The following IKBKB variants were observed in gnomAD, a reference collection of about 807,000 sequenced individuals.
IKBKB encodes inhibitor of nuclear factor kappa B kinase subunit beta.
Under a neutral mutation model 113.6 loss-of-function variants are expected in IKBKB, and 42 were observed. That is an observed-to-expected ratio of 0.37 (90% CI 0.29 to 0.48). IKBKB has a LOEUF of 0.48. Ranked by LOEUF, IKBKB falls within the 20% of genes least tolerant of loss-of-function variation. The probability of loss-of-function intolerance (pLI) is 0.99; values close to 1 mark genes in which losing one functional copy is unlikely to be tolerated. For synonymous variants in IKBKB, 296 were observed against 361.3 expected (o/e 0.82, Z 2.05); for missense variants, 673 against 939.7 (o/e 0.72, Z 3.71).
At chr8:42,326,212 T>A in intron 20 of IKBKB, 115 bp downstream of exon 20, 1 of 1,298,210 alleles carries the variant, frequency 7.7e-7, no homozygotes, top group Non-Finnish European at 1.1e-6. Context: ...CCTCTCTGGA[T>A]GTTTGTTGCA....
chr8:42,310,022 A>G (rs1817404940), intron 8 of IKBKB, among the ~76,000 whole-genome samples: 1 of 152,250 alleles, frequency 6.6e-6, no homozygotes, highest in Admixed American at 6.5e-5. Context: ...CACAATGTGT[A>G]CATCATGTTG....
Position 42,317,752 on chromosome 8 carries a change from T to C in IKBKB, c.1221T>C (p.Pro407=). 5.6e-6 allele frequency: 9 copies of C among 1,609,940 alleles called. No individual in the cohort carries two copies. Among genetic ancestry groups the C allele is most frequent in the Non-Finnish European group, 7.7e-6 (9 of 1,176,168 alleles). The change falls in exon 12 of 22, where the codon CCT becomes CCC. Residue 407 remains proline, a synonymous_variant. Coordinates refer to ENST00000520810, the MANE Select transcript of IKBKB (RefSeq NM_001556.3). ...YETQISPRPQ[P]ESVSCILQEP... Reference sequence around the variant, plus strand: ...CTCAGATCTCCCCACGGCCCCAACCTGAAAGTGTCAGCTGTATCCGTAAGA... The same window carrying C: ...CTCAGATCTCCCCACGGCCCCAACCCGAAAGTGTCAGCTGTATCCGTAAGA...
Position 42,290,246 on chromosome 8 carries a change from G to C in IKBKB, c.291G>C (p.Glu97Asp), listed in dbSNP as rs1032270809. 1 of 1,613,248 alleles carries C rather than the reference G, an allele frequency of 6.2e-7. No individual in the cohort carries two copies. The highest frequency in any genetic ancestry group is 1.3e-5 in the African/African-American group (1 of 74,926). The change falls in exon 4 of 22, where the codon GAG becomes GAC. Residue 97 changes from glutamate (E) to aspartate (D), a missense_variant. By Grantham distance (45) the Glu-to-Asp change is conservative. Transcript: ENST00000520810. ...ATGACCTGCCCCTGCTGGCCATGGA[G>C]TACTGCCAAGGAGGAGATCTCCGGA... ...APNDLPLLAM[E>D]YCQGGDLRKY...
rs1402369816 is a variant in IKBKB, at chr8:42,316,379, G to A, written c.930+40G>A. ...AAGTTAGCCCTGAGGCAAAAGCTGG[G>A]GTCCCCAGTGGAACATGCAGTTCTT... On this transcript the variant is annotated intron_variant, in intron 10 of 21. Transcript: ENST00000520810. The surrounding 1 kb of genome is among the most constrained non-coding windows in gnomAD (Gnocchi z 4.5). 2 of 1,612,416 alleles carry A rather than the reference G, an allele frequency of 1.2e-6. No homozygotes were observed. The highest frequency in any genetic ancestry group is 1.7e-5 in the Admixed American group (1 of 59,926).
rs541622468 is a variant in IKBKB at position 42,305,333 on chromosome 8, G to A, written c.477+58G>A. The stretch of plus-strand genomic sequence containing the variant: ...GGTGGGCGTGCCGGGAAGTGGCCTG[G>A]GAGGAAAGGAGCACACTCTGCATAT... On this transcript the variant is annotated intron_variant, in intron 6 of 21. Transcript: ENST00000520810. The A allele has an allele frequency of 1.9e-4, 185 of 994,970 alleles. 2 individuals carry two copies. The South Asian group carries it at 2.3e-3, about 12-fold the overall frequency. The allele number at this position is 994,970 out of a possible 1,614,324, so 61.6% of individuals were successfully genotyped here.
rs1819951090 is a variant in IKBKB, at chr8:42,322,479, C to G, written c.1971C>G (p.Leu657=). The change falls in exon 19 of 22, where the codon CTC becomes CTG. Residue 657 remains leucine, a synonymous_variant. Transcript: ENST00000520810. ...AGCGGCAGAAGGAGCTCTGGAATCT[C>G]CTGAAGATTGCTTGTGTGAGTGAGT... is the stretch of plus-strand genomic sequence containing the variant. The part of the protein sequence containing the change: ...QEKRQKELWN[L]LKIACSKVRG... 6.2e-7 allele frequency: 1 copy of G among 1,613,890 alleles called. No individual in the cohort carries two copies. The highest frequency in any genetic ancestry group is 8.5e-7 in the Non-Finnish European group (1 of 1,179,996).
At chr8:42,317,885 G>C in intron 12 of IKBKB, 114 bp downstream of exon 12, 1 of 752,994 alleles carries the variant, frequency 1.3e-6, no homozygotes, top group Non-Finnish European at 2.3e-6. Flanking sequence ...AATTAATATC[G>C]CCAGTCCTCA....
intron 21 of IKBKB, chr8:42,329,556 T>C: frequency 1.6e-5 from 14 of 894,036 alleles, no homozygotes; most frequent in Non-Finnish European, 1.9e-5. Flanking sequence ...TAGTGATGTC[T>C]AACAATTATT....
Position 42,274,792 on chromosome 8 carries a change from C to G in IKBKB, c.105+2587C>G, listed in dbSNP as rs867314928. Among the ~76,000 whole-genome samples the G allele has an allele frequency of 8.8e-5, 7 of 79,352 alleles. 2 individuals are homozygous for G. The highest frequency in any genetic ancestry group is 2.3e-4 in the Non-Finnish European group (5 of 21,638). The allele number at this position is 79,352 out of a possible 152,430, so 52.1% of individuals were successfully genotyped here. ...AGGTGATCCCCGCCGGCGCGCCCCCCCCCCCCCCCGCCATCCCAGCCTCCC... is the reference window on the plus strand; with the variant it reads ...AGGTGATCCCCGCCGGCGCGCCCCCGCCCCCCCCCGCCATCCCAGCCTCCC... On this transcript the variant is annotated intron_variant, in intron 2 of 21. Transcript: ENST00000520810.
At chr8:42,323,850 C>A (rs1231490073) in intron 19 of IKBKB, among the ~76,000 whole-genome samples, 1 of 152,152 alleles carries the variant, frequency 6.6e-6, no homozygotes, top group African/African-American at 2.4e-5. Flanking sequence ...CATCTACATC[C>A]ATTGAGCATT....
At chr8:42,325,540 G>A in intron 19 of IKBKB, 1 of 612,034 alleles carries the variant, frequency 1.6e-6, no homozygotes, top group Non-Finnish European at 2.1e-6. Flanking sequence ...TTAGCTGGGT[G>A]TAGTGGCACA....
At chr8:42,330,277 TA>T (rs1208576408) in intron 21 of IKBKB, 4 of 984,274 alleles carry the variant, frequency 4.1e-6, no homozygotes, top group Non-Finnish European at 4.8e-6. Context: ...TTTGAATATG[TA>T]ACTTAGCTTA....
chr8:42,308,437 A>G (rs1431748669), intron 7 of IKBKB, among the ~76,000 whole-genome samples: 1 of 151,988 alleles, frequency 6.6e-6, no homozygotes, highest in Non-Finnish European at 1.5e-5. Flanking sequence ...AGCTGGGACT[A>G]AAGGTGCACA....
At position 42,332,393 on chromosome 8, in the gene IKBKB, G is replaced by A. The variant is rs199842325; in HGVS notation, c.*1414G>A. Reference sequence around the variant, plus strand: ...ACATTTTCTCCTGCTGATTGTGTGTGTGAAACATGTATTAACATTCCAATG... The same window carrying A: ...ACATTTTCTCCTGCTGATTGTGTGTATGAAACATGTATTAACATTCCAATG... On this transcript the variant is annotated 3_prime_UTR_variant, in exon 22 of 22. Transcript: ENST00000520810. The A allele has an allele frequency of 6.6e-6, 1 of 152,226 alleles. No individual in the cohort carries two copies. Among genetic ancestry groups the A allele is most frequent in the African/African-American group, 2.4e-5 (1 of 41,452 alleles). 9.4% of individuals were successfully genotyped at this position (152,226 alleles called of 1,614,324 possible). A position where few individuals can be genotyped will look rare whatever the true frequency, so the allele number is the denominator to read the frequency against.
chr8:42,274,786 GCCCCC>G lies in IKBKB; in HGVS notation c.105+2592_105+2596del, dbSNP rs1224930652. 1.3e-3 allele frequency among the ~76,000 whole-genome samples: 7 copies of G among 5,538 alleles called. 2 individuals carry two copies. Among genetic ancestry groups the G allele is most frequent in the Non-Finnish European group, 1.8e-3 (6 of 3,246 alleles). 3.6% of individuals were successfully genotyped at this position (5,538 alleles called of 152,430 possible). A position where few individuals can be genotyped will look rare whatever the true frequency, so the allele number is the denominator to read the frequency against. On this transcript the variant is annotated intron_variant, in intron 2 of 21. Transcript: ENST00000520810. ...GAACTTAGGTGATCCCCGCCGGCGCGCCCCCCCCCCCCCCCGCCATCCCAGCCTCC... is the reference window on the plus strand; with the variant it reads ...GAACTTAGGTGATCCCCGCCGGCGCGCCCCCCCCCCGCCATCCCAGCCTCC...
At chr8:42,300,085 C>A (rs17875695) in intron 5 of IKBKB, among the ~76,000 whole-genome samples, 44 of 152,244 alleles carry the variant, frequency 2.9e-4, no homozygotes, top group African/African-American at 1.0e-3. Flanking sequence ...GAAGTTGTCG[C>A]ACTTTCGCCT....
chr8:42,277,171 G>T lies in IKBKB; in HGVS notation c.105+4966G>T, dbSNP rs756048654. 1.0e-3 allele frequency among the ~76,000 whole-genome samples: 149 copies of T among 146,794 alleles called. 1 individual carries two copies. Among genetic ancestry groups the T allele is most frequent in the Non-Finnish European group, 1.9e-3 (124 of 66,834 alleles). On this transcript the variant is annotated intron_variant, in intron 2 of 21. Coordinates refer to ENST00000520810, the MANE Select transcript of IKBKB (RefSeq NM_001556.3). Reference sequence around the variant, plus strand: ...GGCGTGAGCCACCGCACCCGGCCACGTGTGGCTAATTTTTTTTTTTTTTTT... The same window carrying T: ...GGCGTGAGCCACCGCACCCGGCCACTTGTGGCTAATTTTTTTTTTTTTTTT...
At chr8:42,314,231 C>T (rs1818248498) in intron 8 of IKBKB, 91 bp from the exon 9 acceptor site, 1 of 909,954 alleles carries the variant, frequency 1.1e-6, no homozygotes, top group South Asian at 1.3e-5. Context: ...TATGTTCACA[C>T]AAGGACTAAA....
Position 42,316,064 on chromosome 8 carries a change from G to T in IKBKB, c.801-146G>T, listed in dbSNP as rs929062096. ...GGTGTGAACACCTGAATAATTGATTGGAAATGTTTATACTGTTTCTGATAA... is the reference window on the plus strand; with the variant it reads ...GGTGTGAACACCTGAATAATTGATTTGAAATGTTTATACTGTTTCTGATAA... On this transcript the variant is annotated intron_variant, in intron 9 of 21. Transcript: ENST00000520810. This position sits in a 1 kb window ranked among gnomAD's most constrained non-coding sequence, Gnocchi z 4.5. 1.2e-5 allele frequency: 10 copies of T among 810,632 alleles called. No individual in the cohort carries two copies. The African/African-American group carries it at 1.6e-4, about 13-fold the overall frequency. 50.2% of individuals were successfully genotyped at this position (810,632 alleles called of 1,614,324 possible). A position where few individuals can be genotyped will look rare whatever the true frequency, so the allele number is the denominator to read the frequency against.
Sources: gnomAD v4.1 joint callset for allele counts (sites outside exome capture counted in the v4.1 genomes callset) on GRCh38, gnomAD v4.1.1 for gene constraint, Gnocchi (gnomAD v3.1) non-coding constraint, MANE v1.5 for transcripts, NCBI Gene and HGNC (gene_info 2026-07-23, HGNC 2026-07-21) for gene names.